The following VIT variants were observed in gnomAD, a reference collection of about 807,000 sequenced individuals.
The protein encoded by VIT is vitrin.
In VIT, 99 loss-of-function variants were observed where a neutral mutation model predicts 78.0. The observed-to-expected ratio is 1.27, with a 90% confidence interval of 1.08 to 1.50. VIT has a LOEUF of 1.50. Ranked by LOEUF, VIT falls within the 40% of genes most tolerant of loss-of-function variation. VIT has a pLI of 0.00. For missense variants in VIT, 1,126 were observed against 875.3 expected (o/e 1.29, Z -3.61); for synonymous variants, 374 against 334.3 (o/e 1.12, Z -1.29).
intron 12 of VIT, among the ~76,000 whole-genome samples, chr2:36,789,212 G>A (rs1056001766): frequency 6.6e-6 from 1 of 152,128 alleles, no homozygotes; most frequent in Non-Finnish European, 1.5e-5. Context: ...ATCTGAATTC[G>A]GGCCTCAGCT....
intron 12 of VIT, among the ~76,000 whole-genome samples, chr2:36,794,363 A>G (rs1308565931): frequency 6.6e-6 from 1 of 152,210 alleles, no homozygotes; most frequent in Non-Finnish European, 1.5e-5. Flanking sequence ...TTTAATAAGA[A>G]CCTGTAATAA....
chr2:36,813,279 G>A (rs1315374810), intron 15 of VIT, among the ~76,000 whole-genome samples: 1 of 151,826 alleles, frequency 6.6e-6, no homozygotes, highest in East Asian at 2.0e-4. Context: ...GTGAAACCCT[G>A]TCTCTACTAA....
At position 36,805,463 on chromosome 2, in the gene VIT, G is replaced by C. The variant is rs766140924; in HGVS notation, c.1188G>C (p.Lys396Asn). The C allele has an allele frequency of 5.6e-6, 9 of 1,612,704 alleles. No individual in the cohort carries two copies. In the East Asian group the frequency reaches 1.8e-4, roughly 32 times the overall value. Residue 396 changes from lysine (K) to asparagine (N), a missense_variant, in exon 14 of 16, where the codon AAG (lysine) becomes AAC (asparagine). By Grantham distance (94) the Lys-to-Asn change is moderately conservative (BLOSUM62 0). Coordinates refer to ENST00000379242, the MANE Select transcript of VIT (RefSeq NM_053276.4). ...GTCGGGCCATCTCCTTTGTGACCAA[G>C]AACTTCTTTTCCAAAGCCAATGGAA... Reference protein sequence around the residue: ...NVGRAISFVTKNFFSKANGNR... With the variant: ...NVGRAISFVTNNFFSKANGNR...
rs1247755086 is a variant in VIT, at chr2:36,736,397, A to G, written c.119-6703A>G. 3.3e-5 allele frequency among the ~76,000 whole-genome samples: 5 copies of G among 152,238 alleles called. No individual in the cohort carries two copies. In the East Asian group the frequency reaches 9.6e-4, roughly 29 times the overall value. ...GTCCATACTGTAATAAACACATCATATATTTTCACATAAATTATGTCCACC... is the reference window on the plus strand; with the variant it reads ...GTCCATACTGTAATAAACACATCATGTATTTTCACATAAATTATGTCCACC... On this transcript the variant is annotated intron_variant, in intron 3 of 15. Coordinates refer to ENST00000379242, the MANE Select transcript of VIT (RefSeq NM_053276.4).
chr2:36,785,533 A>G (rs540158268), intron 11 of VIT, among the ~76,000 whole-genome samples: 1 of 152,176 alleles, frequency 6.6e-6, no homozygotes, highest in South Asian at 2.1e-4. Context: ...TCTGGACTTT[A>G]TTTGCCTCTT....
At chr2:36,760,780 G>A (rs1054120340) in intron 6 of VIT, among the ~76,000 whole-genome samples, 23 of 152,218 alleles carry the variant, frequency 1.5e-4, no homozygotes, top group Admixed American at 1.3e-4. Flanking sequence ...CTCCAAGGTA[G>A]ATACGGATGC....
chr2:36,777,529 A>G (rs1670147737), intron 9 of VIT, among the ~76,000 whole-genome samples: 1 of 152,096 alleles, frequency 6.6e-6, no homozygotes, highest in Non-Finnish European at 1.5e-5. Flanking sequence ...TCTAGTCCTC[A>G]ATACTCTGCT....
chr2:36,752,361 G>A (rs187370406), intron 4 of VIT, among the ~76,000 whole-genome samples: 140 of 152,234 alleles, frequency 9.2e-4, no homozygotes, highest in Non-Finnish European at 1.4e-3. Flanking sequence ...TCGACACCTG[G>A]CCCTAGCAGT....
At chr2:36,704,694 C>G (rs896112770) in intron 1 of VIT, among the ~76,000 whole-genome samples, 2 of 152,220 alleles carry the variant, frequency 1.3e-5, no homozygotes, top group South Asian at 2.1e-4. Context: ...TCCTCCACAC[C>G]CTCCGTTTTA....
chr2:36,718,128 A>C (rs1476327372), intron 2 of VIT, among the ~76,000 whole-genome samples: 1 of 152,130 alleles, frequency 6.6e-6, no homozygotes, highest in Non-Finnish European at 1.5e-5. Context: ...CCTCATCCTA[A>C]CTTAACATTA....
intron 15 of VIT, 120 bp downstream of exon 15, chr2:36,809,105 T>C: frequency 2.2e-6 from 3 of 1,365,756 alleles, no homozygotes; most frequent in Non-Finnish European, 2.9e-6. Flanking sequence ...TTAATAAAAA[T>C]GTTCAAAGCC....
At chr2:36,723,081 G>T (rs1011382543) in intron 2 of VIT, among the ~76,000 whole-genome samples, 1 of 151,824 alleles carries the variant, frequency 6.6e-6, no homozygotes, top group Non-Finnish European at 1.5e-5. Flanking sequence ...TAACATGTTA[G>T]TATATTTGTT....
intron 12 of VIT, among the ~76,000 whole-genome samples, chr2:36,799,621 G>A (rs1666167647): frequency 6.6e-6 from 1 of 152,052 alleles, no homozygotes; most frequent in African/African-American, 2.4e-5. Flanking sequence ...GGGAGGCTGA[G>A]GTGGGAGGAT....
intron 4 of VIT, among the ~76,000 whole-genome samples, chr2:36,752,951 T>C (rs1461490694): frequency 6.6e-6 from 1 of 152,176 alleles, no homozygotes; most frequent in Non-Finnish European, 1.5e-5. Context: ...AAACATGGAA[T>C]CAACCTAAAT....
At chr2:36,797,600 G>A (rs1440362023) in intron 12 of VIT, among the ~76,000 whole-genome samples, 1 of 152,138 alleles carries the variant, frequency 6.6e-6, no homozygotes. Context: ...CTAACCTGAG[G>A]TGCCTTCCAG....
chr2:36,708,669 T>C (rs140045884), intron 1 of VIT, among the ~76,000 whole-genome samples: 1 of 152,162 alleles, frequency 6.6e-6, no homozygotes, highest in African/African-American at 2.4e-5. Context: ...AGCTCCTCTG[T>C]CGCTGGGTCC....
intron 12 of VIT, among the ~76,000 whole-genome samples, chr2:36,790,170 C>T (rs1163238335): frequency 1.3e-5 from 2 of 152,196 alleles, no homozygotes; most frequent in East Asian, 3.8e-4. Context: ...ACTCCTCAAT[C>T]TCCTACTCAA....
rs373252964 is a variant in VIT at position 36,748,174 on chromosome 2, G to A, written c.275+4918G>A. On this transcript the variant is annotated intron_variant, in intron 4 of 15. Coordinates refer to ENST00000379242, the MANE Select transcript of VIT (RefSeq NM_053276.4). Reference sequence around the variant, plus strand: ...GACGTTTTTCTTTCACTTTGACCTTGGAGAATCAGATGACTATCTACCTTC... The same window carrying A: ...GACGTTTTTCTTTCACTTTGACCTTAGAGAATCAGATGACTATCTACCTTC... 2.6e-5 allele frequency among the ~76,000 whole-genome samples: 4 copies of A among 152,204 alleles called. No individual in the cohort carries two copies. In the East Asian group the frequency reaches 5.8e-4, roughly 22 times the overall value.
intron 7 of VIT, among the ~76,000 whole-genome samples, chr2:36,770,241 G>T (rs1044382289): frequency 1.3e-5 from 2 of 152,224 alleles, no homozygotes; most frequent in African/African-American, 4.8e-5. Flanking sequence ...CCTGCAGCAA[G>T]TCGCTTCGGC....
Sources: allele counts gnomAD v4.1 joint callset (sites outside exome capture counted in the v4.1 genomes callset), GRCh38; gene constraint gnomAD v4.1.1; transcripts MANE v1.5; gene names NCBI Gene and HGNC (gene_info 2026-07-23, HGNC 2026-07-21).